Variants in MYT1L observed in about 807,000 individuals in gnomAD.
The protein encoded by MYT1L is myelin transcription factor 1-like protein.
Under a neutral mutation model 126.7 loss-of-function variants are expected in MYT1L, and 12 were observed. That is an observed-to-expected ratio of 0.09 (90% CI 0.06 to 0.15). The LOEUF is 0.15. Ranked by LOEUF, MYT1L falls within the 10% of genes least tolerant of loss-of-function variation. The pLI is 1.00. For missense variants in MYT1L, 979 were observed against 1,585.2 expected (o/e 0.62, Z 6.49); for synonymous variants, 541 against 604.2 (o/e 0.90, Z 1.53).
At chr2:1,794,756 TGGGATGGGGGTGGCG>T (rs1473058323) in intron 23 of MYT1L, among the ~76,000 whole-genome samples, 1 of 152,208 alleles carries the variant, frequency 6.6e-6, no homozygotes, top group African/African-American at 2.4e-5. Flanking sequence ...GGTCTGTGGC[TGGGATGGGGGTGGCG>T]GGGCTCCCAT....
At chr2:1,856,123 A>G (rs561247616) in intron 18 of MYT1L, among the ~76,000 whole-genome samples, 2 of 152,360 alleles carry the variant, frequency 1.3e-5, no homozygotes, top group Admixed American at 1.3e-4. Context: ...CAAGAAAACA[A>G]AAAGTAAAAG....
chr2:2,313,540 A>G (rs902280184), intron 1 of MYT1L, among the ~76,000 whole-genome samples: 4 of 151,970 alleles, frequency 2.6e-5, no homozygotes, highest in African/African-American at 9.7e-5. Flanking sequence ...TGGAAATGGT[A>G]TAAGGAGGAA....
Position 1,791,330 on chromosome 2 carries a change from A to G in MYT1L, c.*537T>C. ...TTGTTCAAAAATAAAGCATTTTTGCAACGAATTCTTGCTATGAAACAATAT... is the reference window on the plus strand; with the variant it reads ...TTGTTCAAAAATAAAGCATTTTTGCGACGAATTCTTGCTATGAAACAATAT... On this transcript the variant is annotated 3_prime_UTR_variant, in exon 25 of 25. Coordinates refer to ENST00000647738, the MANE Select transcript of MYT1L (RefSeq NM_001303052.2). This position sits in a 1 kb window ranked among gnomAD's most constrained non-coding sequence, Gnocchi z 6.0. 1 of 451,394 alleles carries G rather than the reference A, an allele frequency of 2.2e-6. No individual in the cohort carries two copies. Among genetic ancestry groups the G allele is most frequent in the South Asian group, 1.7e-5 (1 of 60,322 alleles). The allele number at this position is 451,394 out of a possible 1,614,324, so 28.0% of individuals were successfully genotyped here.
At chr2:2,298,672 T>C (rs2095736745) in intron 1 of MYT1L, among the ~76,000 whole-genome samples, 1 of 152,122 alleles carries the variant, frequency 6.6e-6, no homozygotes, top group South Asian at 2.1e-4. Context: ...GAACATGAGC[T>C]TCCACAAGTC....
intron 3 of MYT1L, among the ~76,000 whole-genome samples, chr2:2,090,955 C>T (rs1353366423): frequency 6.6e-6 from 1 of 152,238 alleles, no homozygotes; most frequent in South Asian, 2.1e-4. Context: ...CATCTTTAAA[C>T]TCCACTTCTA....
intron 2 of MYT1L, among the ~76,000 whole-genome samples, chr2:2,182,385 A>G (rs2091634367): frequency 6.6e-6 from 1 of 152,194 alleles, no homozygotes; most frequent in Non-Finnish European, 1.5e-5. Context: ...GGGCTAGCTG[A>G]TATTTTGAGT....
chr2:2,034,028 T>A (rs1439178848), intron 4 of MYT1L, among the ~76,000 whole-genome samples: 1 of 152,116 alleles, frequency 6.6e-6, no homozygotes, highest in East Asian at 1.9e-4. Context: ...GGGTGGGAGT[T>A]AGGGGCCTGG....
rs1250516869 is a variant in MYT1L, at chr2:1,912,940, G to C, written c.1619-830C>G. 6.6e-6 allele frequency among the ~76,000 whole-genome samples: 1 copy of C among 152,116 alleles called. No individual in the cohort carries two copies. Among genetic ancestry groups the C allele is most frequent in the Admixed American group, 6.5e-5 (1 of 15,278 alleles). ...CTGGGGGAAGGTTAGCAGGGACGAA[G>C]GGACCCCCACACGGACCCTGTCTGC... On this transcript the variant is annotated intron_variant, in intron 11 of 24. Transcript: ENST00000647738. This position sits in a 1 kb window ranked among gnomAD's most constrained non-coding sequence, Gnocchi z 4.3.
intron 18 of MYT1L, among the ~76,000 whole-genome samples, chr2:1,878,442 G>A (rs943264578): frequency 2.0e-5 from 3 of 152,162 alleles, no homozygotes; most frequent in Admixed American, 1.3e-4. Context: ...TTGTTAGAAT[G>A]TAATTCTAAT....
Position 1,811,241 on chromosome 2 carries a change from C to A in MYT1L, c.3081-2074G>T, listed in dbSNP as rs928741752. ...TTTTGCAGCCCTGGAACGTCTAAGA[C>A]AATCACCAGTATTTGTTGCTCATAC... On this transcript the variant is annotated intron_variant, in intron 21 of 24. Transcript: ENST00000647738. The surrounding 1 kb of genome is among the most constrained non-coding windows in gnomAD (Gnocchi z 4.4). 6.6e-6 allele frequency: 1 copy of A among 152,200 alleles called. No homozygotes were observed. The highest frequency in any genetic ancestry group is 1.5e-5 in the Non-Finnish European group (1 of 68,048). The allele number at this position is 152,200 out of a possible 1,614,324, so 9.4% of individuals were successfully genotyped here.
Position 1,831,915 on chromosome 2 carries a change from C to T in MYT1L, c.3080+7234G>A, listed in dbSNP as rs979881596. On this transcript the variant is annotated intron_variant, in intron 21 of 24. Coordinates refer to ENST00000647738, the MANE Select transcript of MYT1L (RefSeq NM_001303052.2). ...GTGTGACCTGAGTGCTGCTGATTTC[C>T]GATTCCTACGCGGCTCTCCTCAGAC... is the stretch of plus-strand genomic sequence containing the variant. 1.2e-4 allele frequency among the ~76,000 whole-genome samples: 19 copies of T among 152,208 alleles called. No individual in the cohort carries two copies. In the East Asian group the frequency reaches 1.4e-3, roughly 11 times the overall value.
chr2:1,837,889 C>CT (rs397775613), intron 21 of MYT1L, among the ~76,000 whole-genome samples: 61,593 of 144,394 alleles, frequency 0.43, 14,919 homozygotes, highest in African/African-American at 0.69. Context: ...TTCTCTCTCT[C>CT]TTTTTTTTTT....
At position 1,801,535 on chromosome 2, in the gene MYT1L, T is replaced by C; in HGVS notation, c.3276+161A>G. On this transcript the variant is annotated intron_variant, in intron 23 of 24. Coordinates refer to ENST00000647738, the MANE Select transcript of MYT1L (RefSeq NM_001303052.2). This position sits in a 1 kb window ranked among gnomAD's most constrained non-coding sequence, Gnocchi z 4.2. Reference sequence around the variant, plus strand: ...TGCTACAGCGAACACTGCCACGGAATGGTGTCTGCGGAAGACCAATATCAT... The same window carrying C: ...TGCTACAGCGAACACTGCCACGGAACGGTGTCTGCGGAAGACCAATATCAT... The C allele has an allele frequency of 3.6e-6, 2 of 559,012 alleles. No homozygotes were observed. Among genetic ancestry groups the C allele is most frequent in the Non-Finnish European group, 6.3e-6 (2 of 317,420 alleles). The allele number at this position is 559,012 out of a possible 1,614,324, so 34.6% of individuals were successfully genotyped here. A position where few individuals can be genotyped will look rare whatever the true frequency, so the allele number is the denominator to read the frequency against.
At chr2:2,172,406 A>G (rs2148541696) in intron 3 of MYT1L, among the ~76,000 whole-genome samples, 1 of 152,316 alleles carries the variant, frequency 6.6e-6, no homozygotes, top group South Asian at 2.1e-4. Flanking sequence ...TGCCCTATAG[A>G]ACTTCAGCAG....
At chr2:1,985,325 T>C (rs1435594606) in intron 5 of MYT1L, among the ~76,000 whole-genome samples, 1 of 152,184 alleles carries the variant, frequency 6.6e-6, no homozygotes. Context: ...GGAAGGAATG[T>C]TGAAGAGAAA....
At chr2:2,206,024 C>T (rs2093304646) in intron 2 of MYT1L, among the ~76,000 whole-genome samples, 1 of 150,534 alleles carries the variant, frequency 6.6e-6, no homozygotes, top group South Asian at 2.1e-4. Flanking sequence ...ACTTTGTCAC[C>T]CAGGCTGGAG....
At chr2:2,049,335 T>C (rs527536932) in intron 4 of MYT1L, among the ~76,000 whole-genome samples, 8 of 152,348 alleles carry the variant, frequency 5.3e-5, no homozygotes, top group Non-Finnish European at 1.2e-4. Flanking sequence ...ATATATATTA[T>C]ACACGGTTAT....
At chr2:1,911,488 G>C (rs556293084) in intron 12 of MYT1L, among the ~76,000 whole-genome samples, 2 of 152,284 alleles carry the variant, frequency 1.3e-5, no homozygotes, top group African/African-American at 4.8e-5. Context: ...ACAAACAAAA[G>C]AGTGGTTCTG....
chr2:2,040,005 C>T (rs540464990), intron 4 of MYT1L, among the ~76,000 whole-genome samples: 2 of 152,214 alleles, frequency 1.3e-5, no homozygotes, highest in East Asian at 1.9e-4. Context: ...CAGGTGTATG[C>T]GTGAGGGCCT....
Sources: allele counts gnomAD v4.1 joint callset (sites outside exome capture counted in the v4.1 genomes callset), GRCh38; gene constraint gnomAD v4.1.1; non-coding constraint Gnocchi (gnomAD v3.1); transcripts MANE v1.5; gene names NCBI Gene and HGNC (gene_info 2026-07-23, HGNC 2026-07-21).